BOC: variants seen among roughly 807,000 people sequenced by gnomAD.
BOC encodes BOC cell adhesion associated, oncogene regulated.
A neutral mutation model predicts 112.0 loss-of-function variants in BOC; 76 were observed. The observed-to-expected ratio is 0.68, with a 90% confidence interval of 0.56 to 0.82. The LOEUF is 0.82. Ranked by LOEUF, BOC falls within the 40% of genes least tolerant of loss-of-function variation. The pLI, the probability that BOC is intolerant of heterozygous loss-of-function variation, is 0.00. For missense variants in BOC, 1,309 were observed against 1,511.7 expected (o/e 0.87, Z 2.22); for synonymous variants, 580 against 599.8 (o/e 0.97, Z 0.48).
chr3:113,226,848 C>G (rs1302664589), intron 2 of BOC, among the ~76,000 whole-genome samples: 2 of 152,210 alleles, frequency 1.3e-5, no homozygotes, highest in Non-Finnish European at 2.9e-5. Flanking sequence ...CCTTGCCTGA[C>G]AGCAGTACAT....
rs1948873573 is a variant in BOC at position 113,278,511 on chromosome 3, A to AC, written c.1706-160dup. 6.6e-6 allele frequency among the ~76,000 whole-genome samples: 1 copy of AC among 151,762 alleles called. No homozygotes were observed. The highest frequency in any genetic ancestry group is 1.5e-5 in the Non-Finnish European group (1 of 67,910). On this transcript the variant is annotated intron_variant, in intron 10 of 19. Coordinates refer to ENST00000682979, the MANE Select transcript of BOC (RefSeq NM_001378074.1). This position sits in a 1 kb window ranked among gnomAD's most constrained non-coding sequence, Gnocchi z 4.2. ...GGGCCAGCAATAGTACCACAACAGA[A>AC]CCAGTCTCGGCCGAGGCTGAGCCCA...
Position 113,285,388 on chromosome 3 carries a change from C to T in BOC, c.2983C>T (p.Pro995Ser), listed in dbSNP as rs146457578. 7.6e-5 allele frequency: 122 copies of T among 1,613,088 alleles called. No homozygotes were observed. The highest frequency in any genetic ancestry group is 9.7e-5 in the Non-Finnish European group (114 of 1,179,866). The change falls in exon 19 of 20, where the codon CCG (proline) becomes TCG (serine). Residue 995 changes from proline (P) to serine (S), a missense_variant. By Grantham distance (74) the Pro-to-Ser change is moderately conservative. Transcript: ENST00000682979. The part of the protein sequence containing the change: ...HQITRGPKSS[P>S]DEGSFLYTLP... ...GCACTGCAGGGGTCCCAAGTCTAGC[C>T]CGGACGAGGGCTCTTTCTTATACAC...
rs753992394 is a variant in BOC at position 113,278,211 on chromosome 3, C to T, written c.1659C>T (p.Tyr553=). 2.5e-6 allele frequency: 4 copies of T among 1,614,128 alleles called. No homozygotes were observed. The African/African-American group carries it at 4.0e-5, about 16-fold the overall frequency. The change falls in exon 10 of 20, where the codon TAC becomes TAT. Residue 553 remains tyrosine (Y), a synonymous_variant. Transcript: ENST00000682979. This position sits in a 1 kb window ranked among gnomAD's most constrained non-coding sequence, Gnocchi z 4.2. ...TGTATGAAGTGGAGATGGCAGCTTA[C>T]AACTGTGCGGGAGAGGGCCAGACAG... is the stretch of plus-strand genomic sequence containing the variant. ...GSLYEVEMAA[Y]NCAGEGQTAM... is the part of the protein sequence containing the mutation.
intron 2 of BOC, among the ~76,000 whole-genome samples, chr3:113,248,302 C>A (rs985804891): frequency 6.6e-6 from 1 of 152,206 alleles, no homozygotes; most frequent in African/African-American, 2.4e-5. Context: ...CTGTTTCTTA[C>A]GGCAGTCTCT....
chr3:113,237,783 G>A (rs1943762070), intron 2 of BOC, among the ~76,000 whole-genome samples: 1 of 152,286 alleles, frequency 6.6e-6, no homozygotes, highest in Admixed American at 6.5e-5. Flanking sequence ...TAATAACAGT[G>A]TGTCTCTCTC....
chr3:113,225,804 G>T lies in BOC; in HGVS notation c.-82+9530G>T, dbSNP rs76948239. On this transcript the variant is annotated intron_variant, in intron 2 of 19. Coordinates refer to ENST00000682979, the MANE Select transcript of BOC (RefSeq NM_001378074.1). ...TAGGTCTAACTGTAGAGCCTGGAAG[G>T]CTGTAACGGTGGTTACTAACCATTA... is the stretch of plus-strand genomic sequence containing the variant. 7.5e-4 allele frequency among the ~76,000 whole-genome samples: 114 copies of T among 152,312 alleles called. 1 individual carries two copies. Among genetic ancestry groups the T allele is most frequent in the African/African-American group, 2.6e-3 (108 of 41,554 alleles).
At chr3:113,264,219 T>A (rs1947204382) in intron 4 of BOC, among the ~76,000 whole-genome samples, 2 of 152,160 alleles carry the variant, frequency 1.3e-5, no homozygotes, top group Admixed American at 1.3e-4. Flanking sequence ...CAAAAGTGGG[T>A]CTACTAGCGT....
At chr3:113,220,226 T>G (rs149237493) in intron 2 of BOC, among the ~76,000 whole-genome samples, 2,131 of 152,254 alleles carry the variant, frequency 0.014, 36 homozygotes, top group Middle Eastern at 0.065. Flanking sequence ...TGCAGAACAG[T>G]AACGCAGACC....
At chr3:113,224,701 T>C (rs1576333086) in intron 2 of BOC, among the ~76,000 whole-genome samples, 1 of 152,252 alleles carries the variant, frequency 6.6e-6, no homozygotes, top group East Asian at 1.9e-4. Flanking sequence ...GGCTCATGCC[T>C]GTAATCTCAG....
intron 6 of BOC, 145 bp downstream of exon 6, chr3:113,271,089 G>C: frequency 8.1e-7 from 1 of 1,227,602 alleles, no homozygotes; most frequent in Admixed American, 1.9e-5. Flanking sequence ...ACAGCCAGGG[G>C]TTCTCAGCCA....
intron 2 of BOC, among the ~76,000 whole-genome samples, chr3:113,216,577 G>A (rs1472566605): frequency 1.3e-5 from 2 of 152,306 alleles, no homozygotes; most frequent in East Asian, 1.9e-4. Flanking sequence ...TCCCGCGTAG[G>A]TTTGGGTGAG....
intron 2 of BOC, among the ~76,000 whole-genome samples, chr3:113,221,207 T>C (rs557898239): frequency 1.3e-4 from 20 of 152,266 alleles, no homozygotes; most frequent in African/African-American, 4.1e-4. Flanking sequence ...TTGGGAGCAG[T>C]CTGTAGAAGG....
At chr3:113,235,842 C>A (rs1333889065) in intron 2 of BOC, among the ~76,000 whole-genome samples, 1 of 152,022 alleles carries the variant, frequency 6.6e-6, no homozygotes, top group Non-Finnish European at 1.5e-5. Context: ...CGAGAATCAG[C>A]CCATTGCTTA....
intron 12 of BOC, 47 bp downstream of exon 12, chr3:113,279,502 C>A: frequency 6.4e-7 from 1 of 1,567,382 alleles, no homozygotes; most frequent in South Asian, 1.1e-5. Flanking sequence ...CCCCAGCTGC[C>A]CCTTTCCGCC....
chr3:113,255,817 A>G (rs1946169081), intron 4 of BOC, among the ~76,000 whole-genome samples: 1 of 152,196 alleles, frequency 6.6e-6, no homozygotes, highest in African/African-American at 2.4e-5. Context: ...AAAATGTCCA[A>G]AGTGACCAGG....
Position 113,285,359 on chromosome 3 carries a change from T to C in BOC, c.2967-13T>C. ...CCCAGCCCCACCTCCCCATCTGGGC[T>C]TGTGCACTGCAGGGGTCCCAAGTCT... On this transcript the variant is annotated splice_polypyrimidine_tract_variant and intron_variant, in intron 18 of 19. Transcript: ENST00000682979. 1 of 1,611,586 alleles carries C rather than the reference T, an allele frequency of 6.2e-7. No individual in the cohort carries two copies. Among genetic ancestry groups the C allele is most frequent in the Non-Finnish European group, 8.5e-7 (1 of 1,179,222 alleles).
chr3:113,278,398 G>C lies in BOC; in HGVS notation c.1705+141G>C. The stretch of plus-strand genomic sequence containing the variant: ...TTCCTTCCAGCTACTGCCTCCTTGT[G>C]GTTTGTGTGCTAGGCTGAGGTCCCA... On this transcript the variant is annotated intron_variant, in intron 10 of 19. Coordinates refer to ENST00000682979, the MANE Select transcript of BOC (RefSeq NM_001378074.1). This position sits in a 1 kb window ranked among gnomAD's most constrained non-coding sequence, Gnocchi z 4.2. The C allele has an allele frequency of 9.3e-7, 1 of 1,073,472 alleles. No homozygotes were observed. The highest frequency in any genetic ancestry group is 1.3e-6 in the Non-Finnish European group (1 of 742,436). The allele number at this position is 1,073,472 out of a possible 1,614,324, so 66.5% of individuals were successfully genotyped here.
intron 2 of BOC, among the ~76,000 whole-genome samples, chr3:113,233,968 C>T (rs1008062600): frequency 6.6e-5 from 10 of 152,098 alleles, no homozygotes; most frequent in African/African-American, 2.2e-4. Context: ...ACTTTGCAGC[C>T]GGAGTCCCAC....
At chr3:113,242,651 C>A (rs894087929) in intron 2 of BOC, among the ~76,000 whole-genome samples, 3 of 151,938 alleles carry the variant, frequency 2.0e-5, no homozygotes, top group African/African-American at 4.8e-5. Flanking sequence ...GTGAGAGGAA[C>A]CCAGGTTTTG....
Sources: gnomAD v4.1 joint callset for allele counts (sites outside exome capture counted in the v4.1 genomes callset) on GRCh38, gnomAD v4.1.1 for gene constraint, Gnocchi (gnomAD v3.1) non-coding constraint, MANE v1.5 for transcripts, NCBI Gene and HGNC (gene_info 2026-07-23, HGNC 2026-07-21) for gene names.